Variants in PCDHGB2 observed in about 807,000 individuals in gnomAD.
The protein encoded by PCDHGB2 is protocadherin gamma subfamily B, 2.
Under a neutral mutation model 59.3 loss-of-function variants are expected in PCDHGB2, and 55 were observed. That is an observed-to-expected ratio of 0.93 (90% confidence interval 0.75 to 1.16). The LOEUF is 1.16. Among genes scored for constraint, PCDHGB2 ranks in the 50% most tolerant of loss-of-function variants. The pLI, the probability that PCDHGB2 is intolerant of heterozygous loss-of-function variation, is 0.00. For synonymous variants in PCDHGB2, 516 were observed against 512.0 expected (o/e 1.01, Z -0.11); for missense variants, 1,228 against 1,198.5 (o/e 1.02, Z -0.36).
intron 1 of PCDHGB2, chr5:141,428,860 CT>C (rs34152666): frequency 0.3 from 42,955 of 145,250 alleles, 7,185 homozygotes; most frequent in African/African-American, 0.5. Flanking sequence ...TTACGGGAGA[CT>C]TTTTTTTTTT....
chr5:141,469,112 A>T (rs1207790108), intron 1 of PCDHGB2, among the ~76,000 whole-genome samples: 1 of 151,698 alleles, frequency 6.6e-6, no homozygotes, highest in African/African-American at 2.4e-5. Flanking sequence ...ACCTGTCTCT[A>T]AAAAAATTTA....
intron 1 of PCDHGB2, among the ~76,000 whole-genome samples, chr5:141,373,138 T>A (rs1047353742): frequency 6.6e-6 from 1 of 152,246 alleles, no homozygotes; most frequent in South Asian, 2.1e-4. Flanking sequence ...TCCTCACAAT[T>A]AAGTGGTTTA....
Position 141,421,822 on chromosome 5 carries a change from G to A in PCDHGB2, c.2421+59266G>A, listed in dbSNP as rs2096603648. On this transcript the variant is annotated intron_variant, in intron 1 of 3. Transcript: ENST00000522605. ...CAAGAATCCAGAGCTAGTACTGGAG[G>A]GAAGCCTGGACCGAGAGAAAGAGGC... 3.7e-6 allele frequency: 6 copies of A among 1,613,690 alleles called. No homozygotes were observed. The East Asian group carries it at 1.1e-4, about 30-fold the overall frequency.
Position 141,390,256 on chromosome 5 carries a change from A to G in PCDHGB2, c.2421+27700A>G, listed in dbSNP as rs2150415347. On this transcript the variant is annotated intron_variant, in intron 1 of 3. Coordinates refer to ENST00000522605, the MANE Select transcript of PCDHGB2 (RefSeq NM_018923.3). ...TCTGGGGCCTTATTTCCACTTTGTAATTCCAGTGAATTGACTTCCCATCAG... is the reference window on the plus strand; with the variant it reads ...TCTGGGGCCTTATTTCCACTTTGTAGTTCCAGTGAATTGACTTCCCATCAG... 6 of 1,614,022 alleles carry G rather than the reference A, an allele frequency of 3.7e-6. No homozygotes were observed. The East Asian group carries it at 1.3e-4, about 36-fold the overall frequency.
At chr5:141,371,894 G>A in intron 1 of PCDHGB2, 4 of 1,613,426 alleles carry the variant, frequency 2.5e-6, no homozygotes, top group Non-Finnish European at 3.4e-6. Flanking sequence ...AGCCGCGGGA[G>A]CTGTCGTCCT....
intron 1 of PCDHGB2, chr5:141,395,547 TGTGTGTGTGTGTGTGTGTGTG>T (rs2093271294): frequency 4.6e-5 from 8 of 174,262 alleles, no homozygotes; most frequent in Non-Finnish European, 8.3e-5. Context: ...ATTGTTTGTG[TGTGTGTGTGTGTGTGTGTGTG>T]TGTGTGTGTG....
intron 1 of PCDHGB2, chr5:141,400,547 C>T (rs534226736): frequency 2.5e-6 from 4 of 1,613,676 alleles, no homozygotes; most frequent in Non-Finnish European, 3.4e-6. Context: ...TATGTCTATT[C>T]TTTTTCATTA....
intron 1 of PCDHGB2, chr5:141,388,789 T>G: frequency 1.9e-6 from 3 of 1,613,948 alleles, no homozygotes; most frequent in Non-Finnish European, 2.5e-6. Flanking sequence ...ATTACTGTTT[T>G]AAATACATTA....
At chr5:141,451,238 T>A (rs1167769789) in intron 1 of PCDHGB2, among the ~76,000 whole-genome samples, 6 of 152,214 alleles carry the variant, frequency 3.9e-5, no homozygotes, top group African/African-American at 1.4e-4. Context: ...TATTATCTCA[T>A]AAATTTTGTG....
chr5:141,459,580 G>C (rs1364413383), intron 1 of PCDHGB2, among the ~76,000 whole-genome samples: 1 of 152,118 alleles, frequency 6.6e-6, no homozygotes, highest in Non-Finnish European at 1.5e-5. Flanking sequence ...GAATTGTTTT[G>C]GGGGTCATAT....
intron 1 of PCDHGB2, chr5:141,382,843 C>T (rs1588925022): frequency 5.4e-6 from 8 of 1,471,852 alleles, no homozygotes; most frequent in East Asian, 2.3e-5. Flanking sequence ...CCCGGATACA[C>T]CCGCATTCTG....
chr5:141,418,579 A>C, intron 1 of PCDHGB2: 1 of 1,614,000 alleles, frequency 6.2e-7, no homozygotes. Context: ...ACAACCCCCC[A>C]GTGTTCAGCC....
intron 1 of PCDHGB2, chr5:141,408,888 A>G: frequency 1.2e-6 from 2 of 1,613,352 alleles, no homozygotes; most frequent in Non-Finnish European, 1.7e-6. Context: ...GCTCACATAG[A>G]AATTTCTGTC....
chr5:141,500,571 C>T (rs1171231755), intron 2 of PCDHGB2, among the ~76,000 whole-genome samples: 1 of 152,196 alleles, frequency 6.6e-6, no homozygotes, highest in African/African-American at 2.4e-5. Context: ...GTCACACTTT[C>T]ATGTGACACT....
intron 1 of PCDHGB2, chr5:141,394,337 C>T (rs2092979975): frequency 7.4e-6 from 12 of 1,614,148 alleles, no homozygotes; most frequent in Non-Finnish European, 1.0e-5. Flanking sequence ...TCTCCATCAA[C>T]TCTGACACCG....
chr5:141,417,954 C>G, intron 1 of PCDHGB2: 2 of 1,613,600 alleles, frequency 1.2e-6, no homozygotes, highest in South Asian at 1.1e-5. Flanking sequence ...CTGTGTGAGC[C>G]GATCCGCTAC....
chr5:141,435,194 C>G (rs538114313), intron 1 of PCDHGB2, among the ~76,000 whole-genome samples: 85 of 152,214 alleles, frequency 5.6e-4, no homozygotes, highest in Middle Eastern at 6.8e-3. Flanking sequence ...AGATGGCTAG[C>G]AAATTCATAA....
At chr5:141,364,427 T>C (rs372052970) in intron 1 of PCDHGB2, 20 of 1,613,650 alleles carry the variant, frequency 1.2e-5, no homozygotes, top group Non-Finnish European at 1.7e-5. Flanking sequence ...GCAGATCCGC[T>C]ACTCGATGCC....
In PCDHGB2 at chr5:141,494,863, C is replaced by A. The variant is rs538734954; in HGVS notation, c.2478C>A (p.Ser826Arg). 17 of 1,614,118 alleles carry A rather than the reference C, an allele frequency of 1.1e-5. No individual in the cohort carries two copies. Among genetic ancestry groups the A allele is most frequent in the Non-Finnish European group, 1.4e-5 (17 of 1,179,994 alleles). Residue 826 changes from serine to arginine, a missense_variant and splice_region_variant, in exon 2 of 4, where the codon AGC becomes AGA. By Grantham distance (110) the Ser-to-Arg change is moderately radical. Transcript: ENST00000522605. ...RFSQAQRPGT[S>R]GSQNGDDTGT... ...CTCAGGCCCAGAGACCCGGCACCAG[C>A]GGGTAGGTGACTGATTCTCCAGCCC...
Sources: allele counts gnomAD v4.1 joint callset (sites outside exome capture counted in the v4.1 genomes callset), GRCh38; gene constraint gnomAD v4.1.1; transcripts MANE v1.5; gene names NCBI Gene and HGNC (gene_info 2026-07-23, HGNC 2026-07-21).